ZNF346: variants seen among roughly 807,000 people sequenced by gnomAD.
ZNF346 encodes zinc finger protein 346.
A neutral mutation model predicts 33.7 loss-of-function variants in ZNF346; 23 were observed. The ratio of observed to expected loss-of-function variants is 0.68; its 90% CI spans 0.49 to 0.97. The LOEUF is 0.97. Ranked by LOEUF, ZNF346 falls within the 50% of genes least tolerant of loss-of-function variation. The pLI is 0.00. For synonymous variants in ZNF346, 134 were observed against 142.4 expected, an observed-to-expected ratio of 0.94 and a Z score of 0.42; for missense variants, 340 against 371.1, an observed-to-expected ratio of 0.92 and a Z score of 0.69.
intron 5 of ZNF346, among the ~76,000 whole-genome samples, chr5:177,051,368 G>A (rs1780862251): frequency 6.6e-6 from 1 of 151,214 alleles, no homozygotes; most frequent in African/African-American, 2.4e-5. Flanking sequence ...GTAGAGACGG[G>A]GTTTCACCAT....
intron 4 of ZNF346, among the ~76,000 whole-genome samples, chr5:177,047,020 TTTTA>T (rs1554148708): frequency 7.3e-6 from 1 of 136,496 alleles, no homozygotes; most frequent in Non-Finnish European, 1.6e-5. Flanking sequence ...TTTAAAATTT[TTTTA>T]TTTATTTTTA....
chr5:177,033,972 C>T (rs960946134), intron 1 of ZNF346, among the ~76,000 whole-genome samples: 2 of 152,154 alleles, frequency 1.3e-5, no homozygotes, highest in African/African-American at 4.8e-5. Context: ...GCCTCGAGCT[C>T]CCAAACTCAG....
chr5:177,023,069 C>A, intron 1 of ZNF346, 156 bp downstream of exon 1: 1 of 1,444,046 alleles, frequency 6.9e-7, no homozygotes, highest in Admixed American at 2.0e-5. Context: ...CGCGGGCACC[C>A]CAAGAATCGG....
In ZNF346 at chr5:177,050,827, C is replaced by T. The variant is rs41275291; in HGVS notation, c.594C>T (p.Val198=). ...GCCATGCAACTTTCAACGACCCTGT[C>T]ATGGCTCAACAACATTATGTGGGCA... ...SLCHATFNDP[V]MAQQHYVGKK... Residue 198 remains valine (V), a synonymous_variant, in exon 5 of 7, where the codon GTC becomes GTT. Transcript: ENST00000358149. 0.018 allele frequency: 29,051 copies of T among 1,614,198 alleles called. 303 individuals carry two copies. Among genetic ancestry groups the T allele is most frequent in the Non-Finnish European group, 0.021 (25,248 of 1,180,020 alleles).
chr5:177,039,393 T>A (rs1354392715), intron 1 of ZNF346, among the ~76,000 whole-genome samples: 1 of 151,884 alleles, frequency 6.6e-6, no homozygotes, highest in East Asian at 1.9e-4. Flanking sequence ...AGCTTTAGAT[T>A]TTGTGGATTA....
At chr5:177,038,157 C>G (rs1778782551) in intron 1 of ZNF346, among the ~76,000 whole-genome samples, 1 of 151,120 alleles carries the variant, frequency 6.6e-6, no homozygotes, top group South Asian at 2.1e-4. Flanking sequence ...GGCACATTCA[C>G]GGCTCACTGA....
At position 177,067,102 on chromosome 5, in the gene ZNF346, G is replaced by A. The variant is rs1269172921; in HGVS notation, c.*2503G>A. The stretch of plus-strand genomic sequence containing the variant: ...AATAAATTTTAAAAGAAGGTAGCCA[G>A]GTGTGGTGGTGCATTCCTGTAGTCC... On this transcript the variant is annotated 3_prime_UTR_variant, in exon 7 of 7. Transcript: ENST00000358149. Among the ~76,000 whole-genome samples, 1 of 152,090 alleles carries A rather than the reference G, an allele frequency of 6.6e-6. No homozygotes were observed. Among genetic ancestry groups the A allele is most frequent in the African/African-American group, 2.4e-5 (1 of 41,408 alleles).
chr5:177,044,551 T>C lies in ZNF346; in HGVS notation c.517+18T>C. On this transcript the variant is annotated intron_variant, in intron 4 of 6. Transcript: ENST00000358149. The stretch of plus-strand genomic sequence containing the variant: ...GGTGGAAGGTACTGGTTTTCCTGAG[T>C]AGTGCTATAGTGGGACCCCTGCCGT... 1 of 1,612,556 alleles carries C rather than the reference T, an allele frequency of 6.2e-7. No homozygotes were observed. Among genetic ancestry groups the C allele is most frequent in the African/African-American group, 1.3e-5 (1 of 74,978 alleles).
intron 1 of ZNF346, 90 bp downstream of exon 1, chr5:177,023,003 C>T: frequency 6.9e-7 from 1 of 1,445,252 alleles, no homozygotes; most frequent in Non-Finnish European, 9.1e-7. Flanking sequence ...CACCCCCTGG[C>T]CCGCCTCCTT....
intron 4 of ZNF346, among the ~76,000 whole-genome samples, chr5:177,049,233 C>T (rs1000358683): frequency 6.6e-6 from 1 of 152,174 alleles, no homozygotes; most frequent in African/African-American, 2.4e-5. Flanking sequence ...ACTAGAAAAA[C>T]CATTGTGGGA....
At chr5:177,023,075 A>G in intron 1 of ZNF346, 162 bp downstream of exon 1, 2 of 1,431,448 alleles carry the variant, frequency 1.4e-6, no homozygotes, top group East Asian at 2.5e-5. Context: ...CACCCCAAGA[A>G]TCGGGCCCCC....
At chr5:177,060,852 T>C (rs1256205649) in intron 5 of ZNF346, among the ~76,000 whole-genome samples, 1 of 151,920 alleles carries the variant, frequency 6.6e-6, no homozygotes, top group Non-Finnish European at 1.5e-5. Flanking sequence ...GGCTTACGCC[T>C]GTAATCCCAG....
intron 6 of ZNF346, among the ~76,000 whole-genome samples, chr5:177,062,471 C>A (rs1782669888): frequency 6.6e-6 from 1 of 152,046 alleles, no homozygotes; most frequent in Non-Finnish European, 1.5e-5. Context: ...GGCCTGGAGA[C>A]CCTCTCCTTT....
chr5:177,042,041 G>T, intron 3 of ZNF346, 171 bp downstream of exon 3: 1 of 513,476 alleles, frequency 1.9e-6, no homozygotes, highest in Non-Finnish European at 3.5e-6. Context: ...AAATGAGGAT[G>T]GTAATATCAA....
chr5:177,047,127 C>T lies in ZNF346; in HGVS notation c.517+2594C>T, dbSNP rs1026278051. Among the ~76,000 whole-genome samples the T allele has an allele frequency of 2.6e-5, 4 of 151,940 alleles. No individual in the cohort carries two copies. The East Asian group carries it at 7.7e-4, about 29-fold the overall frequency. On this transcript the variant is annotated intron_variant, in intron 4 of 6. Transcript: ENST00000358149. Reference sequence around the variant, plus strand: ...GCAGTGGCACGATCTCGGCTCACTGCAACCTCCGCCTCCTGGGTTCAAGCG... The same window carrying T: ...GCAGTGGCACGATCTCGGCTCACTGTAACCTCCGCCTCCTGGGTTCAAGCG...
chr5:177,035,309 C>G (rs968093141), intron 1 of ZNF346, among the ~76,000 whole-genome samples: 1 of 152,196 alleles, frequency 6.6e-6, no homozygotes, highest in Non-Finnish European at 1.5e-5. Flanking sequence ...AGCCACCACG[C>G]CCTGCCTCTC....
chr5:177,041,159 T>A lies in ZNF346; in HGVS notation c.209T>A (p.Phe70Tyr). The change falls in exon 2 of 7, where the codon TTC becomes TAC. Residue 70 changes from phenylalanine (F) to tyrosine (Y), a missense_variant. Coordinates refer to ENST00000358149, the MANE Select transcript of ZNF346 (RefSeq NM_012279.4). ...EHMIQKNQCL[F>Y]TNTQCKVCCA... is the part of the protein sequence containing the mutation. The stretch of plus-strand genomic sequence containing the variant: ...ATGATCCAGAAGAACCAATGTCTCT[T>A]CACCAACACCCAGTGTAAGGTTTGC... 23 of 1,614,222 alleles carry A rather than the reference T, an allele frequency of 1.4e-5. No individual in the cohort carries two copies. Among genetic ancestry groups the A allele is most frequent in the Non-Finnish European group, 1.9e-5 (23 of 1,180,024 alleles).
At position 177,022,716 on chromosome 5, in the gene ZNF346, A is replaced by G. The variant is rs1320632720; in HGVS notation, c.-23A>G. On this transcript the variant is annotated 5_prime_UTR_variant, in exon 1 of 7. Coordinates refer to ENST00000358149, the MANE Select transcript of ZNF346 (RefSeq NM_012279.4). Reference sequence around the variant, plus strand: ...TACCTAGGCGCCTGAGAGGCTCTCTACCGGTGAGGGTTTGCGGGGAAGATG... The same window carrying G: ...TACCTAGGCGCCTGAGAGGCTCTCTGCCGGTGAGGGTTTGCGGGGAAGATG... 26 of 1,534,450 alleles carry G rather than the reference A, an allele frequency of 1.7e-5. No individual in the cohort carries two copies. The highest frequency in any genetic ancestry group is 2.3e-5 in the Non-Finnish European group (26 of 1,146,680).
chr5:177,049,296 T>C (rs1232461091), intron 4 of ZNF346, among the ~76,000 whole-genome samples: 1 of 152,162 alleles, frequency 6.6e-6, no homozygotes, highest in African/African-American at 2.4e-5. Context: ...CTTCCCCAGT[T>C]GAAGTGATAC....
Sources: allele counts gnomAD v4.1 joint callset (sites outside exome capture counted in the v4.1 genomes callset), GRCh38; gene constraint gnomAD v4.1.1; transcripts MANE v1.5; gene names NCBI Gene and HGNC (gene_info 2026-07-23, HGNC 2026-07-21).